The following MPHOSPH6 variants were observed in gnomAD, a reference collection of about 807,000 sequenced individuals.
The protein encoded by MPHOSPH6 is M-phase phosphoprotein 6.
Under a neutral mutation model 21.8 loss-of-function variants are expected in MPHOSPH6, and 25 were observed. The ratio of observed to expected loss-of-function variants is 1.15; its 90% CI spans 0.83 to 1.60. The LOEUF is 1.60. MPHOSPH6 is among the 40% of genes most tolerant of loss of function. MPHOSPH6 has a pLI of 0.00. For synonymous variants in MPHOSPH6, 84 were observed against 56.5 expected, an observed-to-expected ratio of 1.49 and a Z score of -2.18; for missense variants, 269 against 181.8, an observed-to-expected ratio of 1.48 and a Z score of -2.76.
At chr16:82,164,041 A>C in intron 2 of MPHOSPH6, 41 bp downstream of exon 2, 1 of 1,354,790 alleles carries the variant, frequency 7.4e-7, no homozygotes, top group South Asian at 1.2e-5. Flanking sequence ...TTTCCTTCTG[A>C]ATGCCACAAG....
chr16:82,157,881 C>G (rs928571713), intron 2 of MPHOSPH6, among the ~76,000 whole-genome samples: 2 of 152,140 alleles, frequency 1.3e-5, no homozygotes, highest in East Asian at 1.9e-4. Context: ...GGAATGGAGA[C>G]AATGCAGAGT....
intron 2 of MPHOSPH6, among the ~76,000 whole-genome samples, chr16:82,153,314 A>G (rs1158190658): frequency 1.3e-5 from 2 of 152,218 alleles, no homozygotes; most frequent in Non-Finnish European, 2.9e-5. Context: ...CCATAATTAT[A>G]TAAAACAGGA....
chr16:82,153,186 A>G (rs538890754), intron 2 of MPHOSPH6, among the ~76,000 whole-genome samples: 2 of 152,222 alleles, frequency 1.3e-5, no homozygotes, highest in African/African-American at 4.8e-5. Flanking sequence ...CTATAGAAAG[A>G]GGGGCCAAAT....
intron 3 of MPHOSPH6, among the ~76,000 whole-genome samples, chr16:82,150,291 T>G (rs1204766228): frequency 1.3e-5 from 2 of 152,082 alleles, no homozygotes; most frequent in African/African-American, 4.8e-5. Context: ...AACCCTACTC[T>G]TTGAATACCA....
intron 2 of MPHOSPH6, among the ~76,000 whole-genome samples, chr16:82,151,715 A>G (rs7203990): frequency 0.83 from 125,812 of 152,244 alleles, 52,200 homozygotes; most frequent in African/African-American, 0.89. Context: ...GCAGCAAGCT[A>G]GAGGCACAGC....
chr16:82,155,900 G>GT (rs1439336758), intron 2 of MPHOSPH6, among the ~76,000 whole-genome samples: 3 of 145,366 alleles, frequency 2.1e-5, no homozygotes, highest in African/African-American at 7.9e-5. Flanking sequence ...GTGACACTCT[G>GT]TCTCAAAAAA....
chr16:82,163,559 G>C (rs1007242270), intron 2 of MPHOSPH6, among the ~76,000 whole-genome samples: 17 of 152,164 alleles, frequency 1.1e-4, no homozygotes, highest in African/African-American at 4.1e-4. Context: ...AGTTTGCTAC[G>C]AAGATTCAAT....
chr16:82,157,546 G>A (rs1457860350), intron 2 of MPHOSPH6, among the ~76,000 whole-genome samples: 2 of 152,162 alleles, frequency 1.3e-5, no homozygotes, highest in African/African-American at 4.8e-5. Flanking sequence ...TCCTTGATAG[G>A]AGTATGGTTT....
intron 2 of MPHOSPH6, among the ~76,000 whole-genome samples, chr16:82,158,320 C>G (rs867900202): frequency 6.8e-6 from 1 of 147,382 alleles, no homozygotes; most frequent in Non-Finnish European, 1.5e-5. Context: ...AACCCTGTCT[C>G]TACTAAAAAA....
rs1906153843 is a variant in MPHOSPH6 at position 82,148,526 on chromosome 16, A to G, written c.*205T>C. On this transcript the variant is annotated 3_prime_UTR_variant, in exon 5 of 5. Transcript: ENST00000258169. The stretch of plus-strand genomic sequence containing the variant: ...TACATTTGTAGATCAGGGGCTAAAA[A>G]TCCACTCTGAATGAATACCAAGAAG... 3 of 566,902 alleles carry G rather than the reference A, an allele frequency of 5.3e-6. No individual in the cohort carries two copies. In the East Asian group the frequency reaches 9.6e-5, roughly 18 times the overall value. The allele number at this position is 566,902 out of a possible 1,614,324, so 35.1% of individuals were successfully genotyped here.
In MPHOSPH6 at chr16:82,148,601, T is replaced by G; in HGVS notation, c.*130A>C. On this transcript the variant is annotated 3_prime_UTR_variant, in exon 5 of 5. Transcript: ENST00000258169. ...ACATCTGTTTCAAAAACAGCATGTT[T>G]CTAAAATGATAATCTCTTTACAAGT... is the stretch of plus-strand genomic sequence containing the variant. The G allele has an allele frequency of 8.5e-7, 1 of 1,177,210 alleles. No homozygotes were observed. 72.9% of individuals were successfully genotyped at this position (1,177,210 alleles called of 1,614,324 possible). A position where few individuals can be genotyped will look rare whatever the true frequency, so the allele number is the denominator to read the frequency against.
rs1446515761 is a variant in MPHOSPH6 at position 82,150,404 on chromosome 16, C to CA, written c.256-1002dup. On this transcript the variant is annotated intron_variant, in intron 3 of 4. Transcript: ENST00000258169. ...TTAAAGAAAGTCAAAGCGAGACCAGCATATATTAAAAACAAACACTTCTAA... is the reference window on the plus strand; with the variant it reads ...TTAAAGAAAGTCAAAGCGAGACCAGCAATATATTAAAAACAAACACTTCTAA... Among the ~76,000 whole-genome samples, 3 of 152,160 alleles carry CA rather than the reference C, an allele frequency of 2.0e-5. No homozygotes were observed. In the East Asian group the frequency reaches 5.8e-4, roughly 29 times the overall value.
intron 1 of MPHOSPH6, among the ~76,000 whole-genome samples, chr16:82,164,447 C>A (rs1906700896): frequency 6.6e-6 from 1 of 152,230 alleles, no homozygotes; most frequent in African/African-American, 2.4e-5. Flanking sequence ...GGCTAAGACA[C>A]CACATTCGAA....
intron 2 of MPHOSPH6, among the ~76,000 whole-genome samples, chr16:82,163,287 C>G (rs1179207366): frequency 6.6e-6 from 1 of 152,214 alleles, no homozygotes; most frequent in Non-Finnish European, 1.5e-5. Context: ...TACCATACAA[C>G]AGAGCTTACT....
At chr16:82,149,550 AC>A in intron 3 of MPHOSPH6, 147 bp from the exon 4 acceptor site, 1 of 695,830 alleles carries the variant, frequency 1.4e-6, no homozygotes, top group Non-Finnish European at 2.5e-6. Context: ...AATACTTGAT[AC>A]CACAATGGTG....
rs919435034 is a variant in MPHOSPH6, at chr16:82,170,178, T to A, written c.-3A>T. ...CTTGTCTTTCGCTCGGCCGCCATGGTAGCTTCCGCCCAGCGCCGCACTCCG... is the reference window on the plus strand; with the variant it reads ...CTTGTCTTTCGCTCGGCCGCCATGGAAGCTTCCGCCCAGCGCCGCACTCCG... On this transcript the variant is annotated 5_prime_UTR_variant, in exon 1 of 5. Transcript: ENST00000258169. The A allele has an allele frequency of 6.3e-7, 1 of 1,588,378 alleles. No individual in the cohort carries two copies. The highest frequency in any genetic ancestry group is 1.4e-5 in the African/African-American group (1 of 73,482).
chr16:82,160,055 G>C (rs983290878), intron 2 of MPHOSPH6, among the ~76,000 whole-genome samples: 1 of 152,158 alleles, frequency 6.6e-6, no homozygotes, highest in Non-Finnish European at 1.5e-5. Flanking sequence ...AACCTCCAGA[G>C]GTCAGGACTG....
chr16:82,160,181 G>T (rs900476940), intron 2 of MPHOSPH6, among the ~76,000 whole-genome samples: 1 of 152,158 alleles, frequency 6.6e-6, no homozygotes, highest in East Asian at 1.9e-4. Context: ...ATGGTTTTAA[G>T]AATTAGAAAA....
chr16:82,169,502 T>C (rs915662794), intron 1 of MPHOSPH6, among the ~76,000 whole-genome samples: 14 of 152,326 alleles, frequency 9.2e-5, no homozygotes, highest in African/African-American at 2.9e-4. Flanking sequence ...TCCAGCCTAC[T>C]GGCCCACCCT....
Sources: gnomAD v4.1 joint callset for allele counts (sites outside exome capture counted in the v4.1 genomes callset) on GRCh38, gnomAD v4.1.1 for gene constraint, MANE v1.5 for transcripts, NCBI Gene and HGNC (gene_info 2026-07-23, HGNC 2026-07-21) for gene names.